Variants in NEK1 observed in about 807,000 individuals in gnomAD.
NEK1 encodes the protein NIMA related kinase 1.
In NEK1, 137 loss-of-function variants were observed where a neutral mutation model predicts 182.1. The observed-to-expected ratio is 0.75, with a 90% CI of 0.65 to 0.87. The LOEUF is 0.87. Ranked by LOEUF, NEK1 falls within the 40% of genes least tolerant of loss-of-function variation. NEK1 has a pLI of 0.00. For synonymous variants in NEK1, 513 were observed against 492.2 expected, an observed-to-expected ratio of 1.04 and a Z score of -0.56; for missense variants, 1,391 against 1,494.4, an observed-to-expected ratio of 0.93 and a Z score of 1.14.
At chr4:169,581,858 G>T (rs1053598894) in intron 10 of NEK1, among the ~76,000 whole-genome samples, 10 of 151,952 alleles carry the variant, frequency 6.6e-5, no homozygotes, top group Admixed American at 6.6e-4. Flanking sequence ...AATGAGTTTT[G>T]TAGCTCATAA....
chr4:169,395,238 A>G (rs891678993), intron 35 of NEK1, among the ~76,000 whole-genome samples: 1 of 152,198 alleles, frequency 6.6e-6, no homozygotes, highest in Non-Finnish European at 1.5e-5. Flanking sequence ...ATGTCAAATC[A>G]CTGCACTGCT....
chr4:169,551,891 C>G (rs1186216592), intron 18 of NEK1, among the ~76,000 whole-genome samples: 2 of 151,804 alleles, frequency 1.3e-5, no homozygotes, highest in Admixed American at 6.6e-5. Flanking sequence ...GACTGAGAAC[C>G]CTGTATGAAA....
At chr4:169,559,997 G>A (rs552485131) in intron 16 of NEK1, among the ~76,000 whole-genome samples, 9 of 152,244 alleles carry the variant, frequency 5.9e-5, no homozygotes, top group African/African-American at 2.2e-4. Flanking sequence ...TAACAAGAGC[G>A]AAACTCCATC....
At chr4:169,600,139 T>C (rs1201448224) in intron 4 of NEK1, among the ~76,000 whole-genome samples, 1 of 152,136 alleles carries the variant, frequency 6.6e-6, no homozygotes, top group Admixed American at 6.6e-5. Flanking sequence ...CTATCACAAC[T>C]CAAAGAACAG....
At chr4:169,582,097 A>G (rs1348043608) in intron 10 of NEK1, among the ~76,000 whole-genome samples, 1 of 152,154 alleles carries the variant, frequency 6.6e-6, no homozygotes, top group Admixed American at 6.5e-5. Context: ...ATACCAACAA[A>G]GAATTAACTC....
intron 4 of NEK1, 117 bp from the exon 5 acceptor site, chr4:169,599,314 C>T (rs980001699): frequency 3.0e-6 from 2 of 665,162 alleles, no homozygotes; most frequent in South Asian, 2.1e-5. Flanking sequence ...CAGGACCATA[C>T]TCAAAAGAAT....
chr4:169,422,794 C>T (rs75665830), intron 31 of NEK1, among the ~76,000 whole-genome samples: 10,865 of 152,040 alleles, frequency 0.071, 1,274 homozygotes, highest in African/African-American at 0.25. Context: ...GAAAATCAAA[C>T]AATCAAATGT....
intron 27 of NEK1, among the ~76,000 whole-genome samples, chr4:169,439,365 G>A (rs189305894): frequency 7.9e-4 from 121 of 152,284 alleles, no homozygotes; most frequent in Middle Eastern, 3.4e-3. Context: ...GAGCAAAAAA[G>A]TTGTTCATCA....
intron 33 of NEK1, 61 bp from the exon 34 acceptor site, chr4:169,400,712 T>C (rs1039797158): frequency 1.2e-5 from 14 of 1,210,704 alleles, no homozygotes; most frequent in Admixed American, 5.7e-5. Context: ...CATACCCTAA[T>C]AGACTAAAAT....
chr4:169,406,866 GTTT>G (rs568558279), intron 31 of NEK1, 119 bp from the exon 32 acceptor site: 8 of 593,364 alleles, frequency 1.3e-5, no homozygotes, highest in Non-Finnish European at 2.1e-5. Context: ...CATATAAAAA[GTTT>G]TTTTATATAT....
intron 27 of NEK1, among the ~76,000 whole-genome samples, chr4:169,448,164 T>C (rs1241192056): frequency 1.3e-5 from 2 of 151,334 alleles, no homozygotes; most frequent in African/African-American, 4.9e-5. Flanking sequence ...AAGGTGGAAG[T>C]TGTAGTAAGC....
chr4:169,415,342 A>G (rs1312295071), intron 31 of NEK1, among the ~76,000 whole-genome samples: 1 of 152,256 alleles, frequency 6.6e-6, no homozygotes, highest in Admixed American at 6.5e-5. Context: ...ATCATAGGTT[A>G]CAGAATTTAT....
At chr4:169,446,234 C>A (rs931727710) in intron 27 of NEK1, among the ~76,000 whole-genome samples, 4 of 150,986 alleles carry the variant, frequency 2.6e-5, no homozygotes, top group African/African-American at 7.3e-5. Flanking sequence ...CTAAAAAAAT[C>A]AACAAAAGTT....
At chr4:169,447,657 A>C (rs1337050049) in intron 27 of NEK1, among the ~76,000 whole-genome samples, 2 of 152,178 alleles carry the variant, frequency 1.3e-5, no homozygotes, top group Non-Finnish European at 1.5e-5. Flanking sequence ...ACTTGAGGTG[A>C]GAAGTTTGAG....
chr4:169,476,885 A>G (rs1747045344), intron 26 of NEK1, among the ~76,000 whole-genome samples: 1 of 152,016 alleles, frequency 6.6e-6, no homozygotes. Context: ...CCTCTCTCAC[A>G]CTATACACTT....
At chr4:169,585,024 A>G (rs923176716) in intron 10 of NEK1, among the ~76,000 whole-genome samples, 2 of 152,126 alleles carry the variant, frequency 1.3e-5, no homozygotes, top group Non-Finnish European at 2.9e-5. Flanking sequence ...TCTCTAAAAA[A>G]AATTTTTTTT....
chr4:169,522,877 T>C (rs1000180869), intron 19 of NEK1, among the ~76,000 whole-genome samples: 4 of 152,180 alleles, frequency 2.6e-5, no homozygotes, highest in Non-Finnish European at 5.9e-5. Flanking sequence ...TCTTGTTTAA[T>C]ATTGTTTTTT....
intron 31 of NEK1, among the ~76,000 whole-genome samples, chr4:169,423,176 C>A (rs1180482868): frequency 1.3e-5 from 2 of 152,180 alleles, no homozygotes; most frequent in Non-Finnish European, 2.9e-5. Flanking sequence ...AATCTTGGCT[C>A]ACTGCAACCT....
At chr4:169,546,934 C>T (rs1157679405) in intron 18 of NEK1, among the ~76,000 whole-genome samples, 1 of 152,154 alleles carries the variant, frequency 6.6e-6, no homozygotes, top group African/African-American at 2.4e-5. Context: ...ATCCAATTTG[C>T]CAGTCTGTGT....
Sources: gnomAD v4.1 joint callset for allele counts (sites outside exome capture counted in the v4.1 genomes callset) on GRCh38, gnomAD v4.1.1 for gene constraint, MANE v1.5 for transcripts, NCBI Gene and HGNC (gene_info 2026-07-23, HGNC 2026-07-21) for gene names.